Variants in SMPD4 observed in about 807,000 individuals in gnomAD.
The protein encoded by SMPD4 is sphingomyelin phosphodiesterase 4.
Under a neutral mutation model 97.8 loss-of-function variants are expected in SMPD4, and 58 were observed. That is an observed-to-expected ratio of 0.59 (90% CI 0.48 to 0.74). The LOEUF (loss-of-function observed/expected upper bound fraction) is 0.74. Ranked by LOEUF, SMPD4 falls within the 30% of genes least tolerant of loss-of-function variation. The pLI is 0.00. For synonymous variants in SMPD4, 388 were observed against 450.0 expected, an observed-to-expected ratio of 0.86 and a Z score of 1.74; for missense variants, 853 against 1,080.5, an observed-to-expected ratio of 0.79 and a Z score of 2.95.
Position 130,181,546 on chromosome 2 carries a change from G to T in SMPD4, c.-62C>A. 7 of 1,605,664 alleles carry T rather than the reference G, an allele frequency of 4.4e-6. No individual in the cohort carries two copies. Among genetic ancestry groups the T allele is most frequent in the Non-Finnish European group, 5.9e-6 (7 of 1,177,170 alleles). ...GCCACTCACCTGTGGGATCCATAGC[G>T]TCGCTCGCCTCAGAGATGGAAGCCG... On this transcript the variant is annotated 5_prime_UTR_variant, in exon 1 of 20. Transcript: ENST00000680298.
chr2:130,162,987 T>C (rs577845353), intron 10 of SMPD4, among the ~76,000 whole-genome samples: 1 of 152,286 alleles, frequency 6.6e-6, no homozygotes, highest in Non-Finnish European at 1.5e-5. Context: ...CCCCTGCCCT[T>C]CCTCTGGCCC....
chr2:130,154,102 A>G (rs1294283988), intron 16 of SMPD4, 167 bp from the exon 17 acceptor site: 16 of 1,115,658 alleles, frequency 1.4e-5, no homozygotes, highest in Non-Finnish European at 1.9e-5. Context: ...ATTTCCCAAG[A>G]AACACTGCCT....
chr2:130,163,223 C>T lies in SMPD4; in HGVS notation c.864+1151G>A, dbSNP rs1216203414. ...AGCAGGCTCAGGGAATAACCAGGCC[C>T]CCAGGCACCGGCCAGGAACATGCAG... On this transcript the variant is annotated intron_variant, in intron 10 of 19. Transcript: ENST00000680298. Among the ~76,000 whole-genome samples, 4 of 152,380 alleles carry T rather than the reference C, an allele frequency of 2.6e-5. No individual in the cohort carries two copies. The East Asian group carries it at 7.7e-4, about 29-fold the overall frequency.
At chr2:130,176,781 G>C (rs1689016552) in intron 1 of SMPD4, 144 bp from the exon 2 acceptor site, 1 of 630,548 alleles carries the variant, frequency 1.6e-6, no homozygotes, top group Non-Finnish European at 2.8e-6. Context: ...TCAAACTCCT[G>C]GGTTCAAGCA....
rs759158382 is a variant in SMPD4, at chr2:130,176,544, T to C, written c.39+10A>G. The stretch of plus-strand genomic sequence containing the variant: ...CCACACTGACACTCATGCAAGCAGT[T>C]GATATTTACCAGTAGAAAGCTGGGC... On this transcript the variant is annotated intron_variant, in intron 2 of 19. Transcript: ENST00000680298. The C allele has an allele frequency of 4.4e-6, 7 of 1,606,092 alleles. No individual in the cohort carries two copies. In the Admixed American group the frequency reaches 1.2e-4, roughly 27 times the overall value.
intron 9 of SMPD4, 40 bp from the exon 10 acceptor site, chr2:130,164,485 T>C (rs1331819142): frequency 1.9e-6 from 3 of 1,559,878 alleles, no homozygotes; most frequent in African/African-American, 1.4e-5. Flanking sequence ...TTCTTGACAA[T>C]GGTGTCAGAC....
intron 15 of SMPD4, 200 bp from the exon 16 acceptor site, chr2:130,154,682 G>A (rs1201820297): frequency 1.5e-6 from 1 of 664,286 alleles, no homozygotes; most frequent in Non-Finnish European, 2.7e-6. Context: ...CTGGCTCACA[G>A]AGCCCCTAGC....
intron 9 of SMPD4, among the ~76,000 whole-genome samples, chr2:130,165,811 C>G (rs1430515774): frequency 6.6e-6 from 1 of 152,140 alleles, no homozygotes; most frequent in Non-Finnish European, 1.5e-5. Flanking sequence ...TTGAGCAATC[C>G]TTTCCTGCTG....
chr2:130,160,886 G>T (rs1002623799), intron 11 of SMPD4, among the ~76,000 whole-genome samples: 3 of 152,112 alleles, frequency 2.0e-5, no homozygotes, highest in African/African-American at 7.2e-5. Context: ...CCAAGCACGA[G>T]GCCTCCAACA....
chr2:130,153,419 A>G lies in SMPD4; in HGVS notation c.1925T>C (p.Leu642Pro). 6.2e-7 allele frequency: 1 copy of G among 1,613,836 alleles called. No homozygotes were observed. Among genetic ancestry groups the G allele is most frequent in the Non-Finnish European group, 8.5e-7 (1 of 1,179,978 alleles). The change falls in exon 18 of 20, where the codon CTC becomes CCC. Residue 642 changes from leucine (L) to proline (P), a missense_variant. Physicochemically the swap from Leu to Pro is moderately conservative, Grantham distance 98 (BLOSUM62 -3). This residue lies in a region of SMPD4 where 511 missense variants were observed against 608.1 expected (regional missense o/e 0.84). Coordinates refer to ENST00000680298, the MANE Select transcript of SMPD4 (RefSeq NM_017951.5). ...LSEAQLRQFT[L>P]ALGTTQDENG... ...CTCATCCTGGGTGGTGCCCAAGGCG[A>G]GTGTGAACTGCCTGAGCTGCGCTTC... is the stretch of plus-strand genomic sequence containing the variant.
chr2:130,153,812 T>C lies in SMPD4; in HGVS notation c.1783A>G (p.Thr595Ala), dbSNP rs772218941. Residue 595 changes from threonine to alanine, a missense_variant, in exon 17 of 20, where the codon ACC becomes GCC. Transcript: ENST00000680298. ...TCGTTGGCTGTGTAGGAGCCATTGG[T>C]GTCCATGGAGCTAAAGCCCAGCCAT... ...LSWLGFSSMDTNGSYTANDLD... is the reference protein window; with the variant it reads ...LSWLGFSSMDANGSYTANDLD... 1.9e-6 allele frequency: 3 copies of C among 1,614,010 alleles called. No homozygotes were observed. The highest frequency in any genetic ancestry group is 2.5e-6 in the Non-Finnish European group (3 of 1,179,876).
In SMPD4 at chr2:130,163,321, G is replaced by C. The variant is rs532669212; in HGVS notation, c.864+1053C>G. ...CAAGAGGCCCAAGATGGGGTCCTCAGCTTTTCCCCATTCTCCGCCCATGTG... is the reference window on the plus strand; with the variant it reads ...CAAGAGGCCCAAGATGGGGTCCTCACCTTTTCCCCATTCTCCGCCCATGTG... On this transcript the variant is annotated intron_variant, in intron 10 of 19. Transcript: ENST00000680298. Among the ~76,000 whole-genome samples the C allele has an allele frequency of 3.9e-5, 6 of 152,362 alleles. No homozygotes were observed. In the South Asian group the frequency reaches 1.2e-3, roughly 32 times the overall value.
chr2:130,154,454 C>G lies in SMPD4; in HGVS notation c.1482G>C (p.Leu494=), dbSNP rs377036767. ...KGEQLFLEPE[L]VIPHRQHRLF... is the part of the protein sequence containing the mutation. ...GTCGGTGCTGGCGGTGGGGGATGAC[C>G]AGCTCTGGCTCCAGGAATAGCTGCT... Residue 494 remains leucine, a synonymous_variant, in exon 16 of 20, where the codon CTG becomes CTC. Coordinates refer to ENST00000680298, the MANE Select transcript of SMPD4 (RefSeq NM_017951.5). The G allele has an allele frequency of 1.5e-4, 231 of 1,558,566 alleles. No homozygotes were observed. The highest frequency in any genetic ancestry group is 1.9e-4 in the Non-Finnish European group (221 of 1,150,680).
At chr2:130,154,661 T>G in intron 15 of SMPD4, 179 bp from the exon 16 acceptor site, 1 of 742,238 alleles carries the variant, frequency 1.3e-6, no homozygotes, top group Non-Finnish European at 2.3e-6. Flanking sequence ...GGAGGGCGGA[T>G]GGGGGAGCTG....
At chr2:130,165,692 G>A (rs1687865048) in intron 9 of SMPD4, among the ~76,000 whole-genome samples, 1 of 152,192 alleles carries the variant, frequency 6.6e-6, no homozygotes, top group Non-Finnish European at 1.5e-5. Flanking sequence ...GCAGAATAGT[G>A]GTTGCCAGGT....
At position 130,167,380 on chromosome 2, in the gene SMPD4, C is replaced by A. The variant is rs1473732915; in HGVS notation, c.792+78G>T. On this transcript the variant is annotated intron_variant, in intron 9 of 19. Transcript: ENST00000680298. The stretch of plus-strand genomic sequence containing the variant: ...AGGTCATCTGCCCACCTAGGCCTCG[C>A]AAAGTGCTGGGGATTATAGGCACGA... 4 of 1,600,056 alleles carry A rather than the reference C, an allele frequency of 2.5e-6. No homozygotes were observed. In the African/African-American group the frequency reaches 4.0e-5, roughly 16 times the overall value.
At position 130,156,146 on chromosome 2, in the gene SMPD4, G is replaced by T; in HGVS notation, c.1189-11C>A. ...CCACATCTCCAGGACCTGTGGGGGA[G>T]GTGTGTGCTAAGGGCTCCGTGGCTG... On this transcript the variant is annotated splice_polypyrimidine_tract_variant and intron_variant, in intron 13 of 19. Transcript: ENST00000680298. The T allele has an allele frequency of 6.2e-7, 1 of 1,605,586 alleles. No individual in the cohort carries two copies. The highest frequency in any genetic ancestry group is 8.5e-7 in the Non-Finnish European group (1 of 1,175,324).
At chr2:130,181,708 G>A (rs1558771969), upstream of SMPD4, 7 of 1,548,460 alleles carry the variant, frequency 4.5e-6, no homozygotes, top group East Asian at 2.4e-5. Flanking sequence ...CCGGCCGGGC[G>A]GGGAAGAGAA....
At chr2:130,161,332 G>A (rs1264425823) in intron 10 of SMPD4, 60 bp from the exon 11 acceptor site, 5 of 1,453,484 alleles carry the variant, frequency 3.4e-6, no homozygotes, top group Non-Finnish European at 4.8e-6. Context: ...AAGAGAATGG[G>A]GTGGGGAAGG....
Sources: gnomAD v4.1 joint callset for allele counts (sites outside exome capture counted in the v4.1 genomes callset) on GRCh38, gnomAD v4.1.1 for gene constraint, gnomAD v4.1.1 regional missense constraint, MANE v1.5 for transcripts, NCBI Gene and HGNC (gene_info 2026-07-23, HGNC 2026-07-21) for gene names.